Variants in DIAPH2 observed in about 807,000 individuals in gnomAD.
DIAPH2 encodes protein diaphanous homolog 2.
Under a neutral mutation model 92.7 loss-of-function variants are expected in DIAPH2, and 35 were observed. That is an observed-to-expected ratio of 0.38 (90% CI 0.29 to 0.50). The LOEUF is 0.50. Among genes scored for constraint, DIAPH2 ranks in the 20% least tolerant of loss-of-function variants. The pLI, the probability that DIAPH2 is intolerant of heterozygous loss-of-function variation, is 0.94. For missense variants in DIAPH2, 701 were observed against 819.5 expected (o/e 0.86, Z 1.77); for synonymous variants, 301 against 280.4 (o/e 1.07, Z -0.73).
chrX:96,889,948 A>G (rs1602601240), intron 5 of DIAPH2, among the ~76,000 whole-genome samples: 2 of 112,405 alleles, frequency 1.8e-5, no homozygotes, highest in Non-Finnish European at 3.8e-5. Flanking sequence ...TTGACCATTC[A>G]AAGGACTTTG....
intron 23 of DIAPH2, among the ~76,000 whole-genome samples, chrX:97,322,915 T>G (rs1289866692): frequency 9.7e-6 from 1 of 103,611 alleles, no homozygotes; most frequent in African/African-American, 3.5e-5. Context: ...TTTTTTTTTT[T>G]TTTTTTTTGA....
intron 23 of DIAPH2, among the ~76,000 whole-genome samples, chrX:97,274,686 G>A (rs1406431804): frequency 1.9e-5 from 2 of 104,942 alleles, no homozygotes; most frequent in East Asian, 3.0e-4. Context: ...GGTGTTTCTC[G>A]TATAGGGGGA....
chrX:97,078,912 A>G (rs1436322936), intron 19 of DIAPH2, among the ~76,000 whole-genome samples: 2 of 110,348 alleles, frequency 1.8e-5, no homozygotes, highest in Non-Finnish European at 3.8e-5. Flanking sequence ...TACTGTCTTT[A>G]TTTTTCTGGT....
chrX:97,296,998 A>AACTCC (rs1369397807), intron 23 of DIAPH2, among the ~76,000 whole-genome samples: 3 of 105,557 alleles, frequency 2.8e-5, no homozygotes, highest in African/African-American at 1.0e-4. Context: ...GCTGGTCTCG[A>AACTCC]ACTCCCGACC....
intron 26 of DIAPH2, among the ~76,000 whole-genome samples, chrX:97,586,004 A>G (rs1396837489): frequency 3.6e-5 from 4 of 111,418 alleles, no homozygotes; most frequent in Non-Finnish European, 3.8e-5. Flanking sequence ...TCTTCTTCCT[A>G]TACTTATCTC....
chrX:96,936,982 C>T (rs1193789502), intron 10 of DIAPH2, among the ~76,000 whole-genome samples: 2 of 111,490 alleles, frequency 1.8e-5, no homozygotes, highest in Non-Finnish European at 1.9e-5. Flanking sequence ...TGTTGTAGAA[C>T]TGATCGTTAA....
intron 22 of DIAPH2, among the ~76,000 whole-genome samples, chrX:97,174,058 TATA>T (rs764353776): frequency 4.5e-4 from 40 of 89,178 alleles, no homozygotes; most frequent in African/African-American, 3.4e-4. Context: ...AATAAAAATA[TATA>T]ATAATTATAT....
chrX:96,742,697 C>T (rs1475143009), intron 3 of DIAPH2, among the ~76,000 whole-genome samples: 2 of 106,222 alleles, frequency 1.9e-5, no homozygotes, highest in Non-Finnish European at 3.9e-5. Flanking sequence ...GATGGAGTCT[C>T]ACTCTGTCAT....
At chrX:96,687,716 A>G (rs1223774068) in intron 1 of DIAPH2, among the ~76,000 whole-genome samples, 1 of 111,826 alleles carries the variant, frequency 8.9e-6, no homozygotes, top group African/African-American at 3.3e-5. Context: ...TTTAATGAGT[A>G]TTAGTGAGAA....
At chrX:96,752,507 G>T (rs1238130803) in intron 3 of DIAPH2, among the ~76,000 whole-genome samples, 1 of 112,170 alleles carries the variant, frequency 8.9e-6, no homozygotes, top group East Asian at 2.8e-4. Context: ...CAATGTAAGT[G>T]ACACATAAGG....
At chrX:97,334,975 C>A (rs1194128880) in intron 23 of DIAPH2, among the ~76,000 whole-genome samples, 3 of 10,981 alleles carry the variant, frequency 2.7e-4, no homozygotes. Flanking sequence ...TGCAAGACTT[C>A]GTCTCAAAAA....
At chrX:97,107,128 CT>C (rs1333260810) in intron 20 of DIAPH2, among the ~76,000 whole-genome samples, 1 of 111,755 alleles carries the variant, frequency 8.9e-6, no homozygotes, top group African/African-American at 3.3e-5. Context: ...ATATTTTTAT[CT>C]TTGGGGAAAT....
At chrX:97,534,628 T>C (rs1050971701) in intron 26 of DIAPH2, among the ~76,000 whole-genome samples, 2 of 111,372 alleles carry the variant, frequency 1.8e-5, no homozygotes, top group African/African-American at 6.5e-5. Flanking sequence ...TCTCCATAAA[T>C]AGCTTATTGT....
At chrX:97,065,617 A>G (rs2066628842) in intron 17 of DIAPH2, among the ~76,000 whole-genome samples, 1 of 111,597 alleles carries the variant, frequency 9.0e-6, no homozygotes, top group Non-Finnish European at 1.9e-5. Context: ...CAACCATGTT[A>G]CTGGTTTATG....
At chrX:96,974,139 T>C (rs1430892235) in intron 17 of DIAPH2, among the ~76,000 whole-genome samples, 2 of 112,004 alleles carry the variant, frequency 1.8e-5, no homozygotes, top group African/African-American at 3.2e-5. Flanking sequence ...AATGATCTGC[T>C]GTTCATTTAA....
rs1207858738 is a variant in DIAPH2 at position 97,185,494 on chromosome X, T to C, written c.2719+43700T>C. 1.5e-3 allele frequency among the ~76,000 whole-genome samples: 77 copies of C among 49,685 alleles called. 3 individuals carry two copies. Among genetic ancestry groups the C allele is most frequent in the African/African-American group, 6.8e-3 (70 of 10,241 alleles). 43.1% of individuals were successfully genotyped at this position (49,685 alleles called of 115,157 possible). The stretch of plus-strand genomic sequence containing the variant: ...ATACACATATATATATATATATATA[T>C]ATATATATATATATATATATATATA... On this transcript the variant is annotated intron_variant, in intron 22 of 26. Coordinates refer to ENST00000324765, the MANE Select transcript of DIAPH2 (RefSeq NM_006729.5).
At chrX:97,120,667 A>AT (rs1457030980) in intron 21 of DIAPH2, among the ~76,000 whole-genome samples, 4 of 88,692 alleles carry the variant, frequency 4.5e-5, no homozygotes, top group African/African-American at 1.9e-4. Flanking sequence ...GTGATAGTAT[A>AT]TACTATATAT....
At chrX:96,986,510 C>A (rs1357685649) in intron 17 of DIAPH2, among the ~76,000 whole-genome samples, 1 of 111,392 alleles carries the variant, frequency 9.0e-6, no homozygotes, top group Non-Finnish European at 1.9e-5. Flanking sequence ...AACAGAGTTA[C>A]CAGGACATTA....
chrX:97,320,589 C>T (rs1248732810), intron 23 of DIAPH2, among the ~76,000 whole-genome samples: 1 of 109,713 alleles, frequency 9.1e-6, no homozygotes, highest in Non-Finnish European at 1.9e-5. Context: ...GTGGCGGGCG[C>T]CTGCAGTCCC....
Sources: allele counts gnomAD v4.1 joint callset (sites outside exome capture counted in the v4.1 genomes callset), GRCh38; gene constraint gnomAD v4.1.1; transcripts MANE v1.5; gene names NCBI Gene and HGNC (gene_info 2026-07-23, HGNC 2026-07-21).